Variants in RNF216 observed in about 807,000 individuals in gnomAD.
RNF216 encodes ring finger protein 216, also known as E3 ubiquitin-protein ligase RNF216.
RNF216 carries 72 observed loss-of-function variants against 110.8 expected under a neutral mutation model. The observed-to-expected ratio is 0.65, with a 90% CI of 0.54 to 0.79. RNF216 has a LOEUF of 0.79. RNF216 is among the 30% of genes least tolerant of loss of function. RNF216 has a pLI of 0.00. For synonymous variants in RNF216, 495 were observed against 407.5 expected (o/e 1.21, Z -2.59); for missense variants, 1,342 against 1,141.2 (o/e 1.18, Z -2.54).
At chr7:5,651,014 A>C (rs1264776059) in intron 14 of RNF216, among the ~76,000 whole-genome samples, 3 of 152,208 alleles carry the variant, frequency 2.0e-5, no homozygotes, top group East Asian at 1.9e-4. Context: ...TGCCTTGCCC[A>C]CGTGACAATC....
chr7:5,758,774 G>A (rs1795777596), intron 2 of RNF216, among the ~76,000 whole-genome samples: 1 of 152,156 alleles, frequency 6.6e-6, no homozygotes, highest in African/African-American at 2.4e-5. Flanking sequence ...TGACTTTACA[G>A]GCTCATAGGT....
chr7:5,638,278 T>C (rs1479655167), intron 15 of RNF216, among the ~76,000 whole-genome samples: 2 of 152,244 alleles, frequency 1.3e-5, no homozygotes, highest in African/African-American at 2.4e-5. Context: ...TGTAAGCATA[T>C]ATAAAATTTG....
At chr7:5,653,181 A>G (rs886555276) in intron 13 of RNF216, among the ~76,000 whole-genome samples, 1 of 152,178 alleles carries the variant, frequency 6.6e-6, no homozygotes, top group African/African-American at 2.4e-5. Context: ...GTCACCCTTA[A>G]AAGTTTCACT....
intron 1 of RNF216, among the ~76,000 whole-genome samples, chr7:5,763,623 A>T (rs1226669923): frequency 6.6e-6 from 1 of 151,948 alleles, no homozygotes; most frequent in South Asian, 2.1e-4. Context: ...CTGGCTGGAG[A>T]GCAGCTACAC....
chr7:5,706,400 C>A (rs1792292458), intron 13 of RNF216, among the ~76,000 whole-genome samples: 1 of 152,122 alleles, frequency 6.6e-6, no homozygotes, highest in African/African-American at 2.4e-5. Context: ...CTTCTCCCAG[C>A]CTCTGGCACC....
At chr7:5,635,942 C>T (rs1289209674) in intron 15 of RNF216, among the ~76,000 whole-genome samples, 1 of 152,202 alleles carries the variant, frequency 6.6e-6, no homozygotes, top group Non-Finnish European at 1.5e-5. Context: ...CAAACTCTTA[C>T]ATTCAAAAGA....
chr7:5,763,819 T>A (rs910678998), intron 1 of RNF216, among the ~76,000 whole-genome samples: 2 of 152,168 alleles, frequency 1.3e-5, no homozygotes, highest in Non-Finnish European at 2.9e-5. Context: ...GCATTCCTTC[T>A]GCCTTGGCTT....
At chr7:5,651,899 G>C (rs898325858) in intron 14 of RNF216, among the ~76,000 whole-genome samples, 2 of 151,972 alleles carry the variant, frequency 1.3e-5, no homozygotes, top group African/African-American at 2.4e-5. Flanking sequence ...CGCCAGCCTC[G>C]GCCTCCCAAA....
chr7:5,702,172 G>GCGAGTTT (rs1457101141), intron 13 of RNF216, among the ~76,000 whole-genome samples: 3 of 152,140 alleles, frequency 2.0e-5, no homozygotes, highest in African/African-American at 4.8e-5. Context: ...AGTTGCCTCT[G>GCGAGTTT]CGAGTTTCGA....
chr7:5,677,188 T>C (rs1178921354), intron 13 of RNF216, among the ~76,000 whole-genome samples: 1 of 152,236 alleles, frequency 6.6e-6, no homozygotes, highest in African/African-American at 2.4e-5. Flanking sequence ...GTGTTAATTT[T>C]AGAGCAAACA....
chr7:5,741,665 ATGGGTTG>A lies in RNF216; in HGVS notation c.345_351del (p.Asn116CysfsTer95), dbSNP rs1420326474. ...TCATCCTGTGCCCCAGAATCAAACA[ATGGGTTG>A]TTACACACTGAAAAATAGCTGCTCT... On this transcript the variant is annotated frameshift_variant, in exon 4 of 17. Transcript: ENST00000389902. LOFTEE classifies it high-confidence loss of function. 1 of 1,614,014 alleles carries A rather than the reference ATGGGTTG, an allele frequency of 6.2e-7. No individual in the cohort carries two copies. Among genetic ancestry groups the A allele is most frequent in the Non-Finnish European group, 8.5e-7 (1 of 1,180,026 alleles).
intron 13 of RNF216, among the ~76,000 whole-genome samples, chr7:5,672,357 T>C (rs939549073): frequency 3.9e-5 from 6 of 152,260 alleles, no homozygotes; most frequent in Admixed American, 2.6e-4. Context: ...CTAATGTTTA[T>C]ATAAAAGGAT....
chr7:5,764,272 A>C (rs2345863), intron 1 of RNF216, among the ~76,000 whole-genome samples: 3 of 151,712 alleles, frequency 2.0e-5, no homozygotes, highest in Non-Finnish European at 4.4e-5. Flanking sequence ...GAAACTATAC[A>C]GGCTATTGGA....
At chr7:5,721,643 C>T (rs953043581) in intron 8 of RNF216, among the ~76,000 whole-genome samples, 3 of 152,186 alleles carry the variant, frequency 2.0e-5, no homozygotes, top group Non-Finnish European at 4.4e-5. Context: ...CAGTTTACAC[C>T]CTTCCTCCAT....
chr7:5,659,127 A>G (rs1333860662), intron 13 of RNF216, among the ~76,000 whole-genome samples: 1 of 152,156 alleles, frequency 6.6e-6, no homozygotes, highest in Non-Finnish European at 1.5e-5. Context: ...GGTGCAGAAT[A>G]AGATCTGAGT....
Position 5,652,460 on chromosome 7 carries a change from GGT to G in RNF216, c.2110_2111del (p.Thr704LeufsTer2). 6.2e-7 allele frequency: 1 copy of G among 1,613,964 alleles called. No individual in the cohort carries two copies. The highest frequency in any genetic ancestry group is 2.2e-5 in the East Asian group (1 of 44,868). On this transcript the variant is annotated frameshift_variant, in exon 14 of 17. Coordinates refer to ENST00000389902, the MANE Select transcript of RNF216 (RefSeq NM_207111.4). LOFTEE classifies it high-confidence loss of function. ...CGTCTTTTTCAGCCAGCTCTTCACA[GGT>G]GAGGCCATTATGTTCTTTCCAGAGT... ...QGLWKEHNGL[T>X]CEELAEKDDI...
In RNF216 at chr7:5,620,117, G is replaced by A. The variant is rs1230028198; in HGVS notation, c.*2743C>T. On this transcript the variant is annotated 3_prime_UTR_variant, in exon 17 of 17. Coordinates refer to ENST00000389902, the MANE Select transcript of RNF216 (RefSeq NM_207111.4). Reference sequence around the variant, plus strand: ...TGATACAGGCTTTTTACACACAGTAGTTGAAACGGAATTATTTTATCTATT... The same window carrying A: ...TGATACAGGCTTTTTACACACAGTAATTGAAACGGAATTATTTTATCTATT... 1 of 152,264 alleles carries A rather than the reference G, an allele frequency of 6.6e-6. No individual in the cohort carries two copies. The highest frequency in any genetic ancestry group is 2.4e-5 in the African/African-American group (1 of 41,462). 9.4% of individuals were successfully genotyped at this position (152,264 alleles called of 1,614,324 possible).
intron 8 of RNF216, among the ~76,000 whole-genome samples, chr7:5,723,952 C>T (rs796115067): frequency 4.8e-4 from 73 of 152,272 alleles, no homozygotes; most frequent in African/African-American, 1.7e-3. Flanking sequence ...CTTATACTTC[C>T]AGGGTCCTTC....
At position 5,620,339 on chromosome 7, in the gene RNF216, G is replaced by A. The variant is rs1786276695; in HGVS notation, c.*2521C>T. 1 of 152,256 alleles carries A rather than the reference G, an allele frequency of 6.6e-6. No individual in the cohort carries two copies. The highest frequency in any genetic ancestry group is 1.5e-5 in the Non-Finnish European group (1 of 68,042). 9.4% of individuals were successfully genotyped at this position (152,256 alleles called of 1,614,324 possible). On this transcript the variant is annotated 3_prime_UTR_variant, in exon 17 of 17. Coordinates refer to ENST00000389902, the MANE Select transcript of RNF216 (RefSeq NM_207111.4). ...CTCACGCCCTGCGGCAAGCCCTGCA[G>A]GGCAGAGAGAGGGAGCCAGCTGCCT...
Sources: allele counts gnomAD v4.1 joint callset (sites outside exome capture counted in the v4.1 genomes callset), GRCh38; gene constraint gnomAD v4.1.1; transcripts MANE v1.5; gene names NCBI Gene and HGNC (gene_info 2026-07-23, HGNC 2026-07-21).